Variants in OR1J2 observed in about 807,000 individuals in gnomAD.
OR1J2 encodes the protein olfactory receptor family 1 subfamily J member 2.
For missense variants in OR1J2, 304 were observed against 246.1 expected, an observed-to-expected ratio of 1.24 and a Z score of -1.57; for synonymous variants, 142 against 99.7, an observed-to-expected ratio of 1.42 and a Z score of -2.52.
Position 122,511,696 on chromosome 9 carries a change from G to C in OR1J2, c.895G>C (p.Glu299Gln). 1 of 781,026 alleles carries C rather than the reference G, an allele frequency of 1.3e-6. No homozygotes were observed. Among genetic ancestry groups the C allele is most frequent in the Admixed American group, 1.7e-5 (1 of 59,036 alleles). The allele number at this position is 781,026 out of a possible 1,614,324, so 48.4% of individuals were successfully genotyped here. ...IYSLRNRDMK[E>Q]ALGKLFSRAT... ...CAGCCTTAGGAACAGGGACATGAAA[G>C]AGGCCCTTGGGAAACTCTTCAGTAG... Residue 299 changes from glutamate to glutamine, a missense_variant, in exon 1 of 1, where the codon GAG becomes CAG. Physicochemically the swap from Glu to Gln is conservative, Grantham distance 29 (BLOSUM62 2). Transcript: ENST00000335302.
chr9:122,577,654 C>T, the OR1J2 span, among the ~76,000 whole-genome samples: 3 of 152,130 alleles, frequency 2.0e-5, no homozygotes, highest in East Asian at 3.9e-4. Context: ...AATCATAATA[C>T]CTAGTATTAA....
chr9:122,553,190 C>T, the OR1J2 span: 4 of 1,610,434 alleles, frequency 2.5e-6, 1 homozygote, highest in Admixed American at 6.7e-5. Context: ...TTTATCTGCG[C>T]AGATCACACG....
At chr9:122,544,674 C>G in the OR1J2 span, among the ~76,000 whole-genome samples, 1 of 152,070 alleles carries the variant, frequency 6.6e-6, no homozygotes, top group Non-Finnish European at 1.5e-5. Flanking sequence ...CCTCCTCGGC[C>G]TCCCAAAGCA....
At chr9:122,536,033 A>G in the OR1J2 span, among the ~76,000 whole-genome samples, 2 of 152,230 alleles carry the variant, frequency 1.3e-5, no homozygotes, top group South Asian at 2.1e-4. Context: ...GGAACAGGCC[A>G]TTTTCACTTC....
chr9:122,570,370 C>A, the OR1J2 span, among the ~76,000 whole-genome samples: 139 of 152,194 alleles, frequency 9.1e-4, 2 homozygotes, highest in Non-Finnish European at 1.5e-4. Context: ...GCAGTATATT[C>A]TTTTACACAT....
chr9:122,487,460 C>CAT, the OR1J2 span, among the ~76,000 whole-genome samples: 1 of 54,904 alleles, frequency 1.8e-5, no homozygotes, highest in African/African-American at 6.7e-5. Context: ...AGATGATTAA[C>CAT]ACACACACAC....
At chr9:122,497,812 A>G in the OR1J2 span, among the ~76,000 whole-genome samples, 2 of 152,148 alleles carry the variant, frequency 1.3e-5, no homozygotes, top group Admixed American at 6.5e-5. Flanking sequence ...AGCGCTATAA[A>G]CTTTCCTGTT....
chr9:122,567,958 C>A, the OR1J2 span: 1 of 1,614,082 alleles, frequency 6.2e-7, no homozygotes, highest in Non-Finnish European at 8.5e-7. Flanking sequence ...TGGTGGATAA[C>A]ATTGGAGTCA....
the OR1J2 span, among the ~76,000 whole-genome samples, chr9:122,490,374 C>CTTGCTTATTATATCAAT: frequency 6.6e-6 from 1 of 152,158 alleles, no homozygotes; most frequent in African/African-American, 2.4e-5. Context: ...CCCATTGCAA[C>CTTGCTTATTATATCAAT]TTGCTTATTA....
the OR1J2 span, chr9:122,567,526 G>A: frequency 1.5e-5 from 22 of 1,511,562 alleles, no homozygotes; most frequent in East Asian, 2.3e-5. Context: ...TTCCACTTAC[G>A]AGTTTTTCAA....
chr9:122,518,266 G>A, the OR1J2 span, among the ~76,000 whole-genome samples: 1 of 152,200 alleles, frequency 6.6e-6, no homozygotes, highest in South Asian at 2.1e-4. Flanking sequence ...CACTAGGTAT[G>A]GTGTTTACTG....
At chr9:122,544,415 C>CTTTTTT in the OR1J2 span, among the ~76,000 whole-genome samples, 905 of 84,962 alleles carry the variant, frequency 0.011, no homozygotes, top group East Asian at 0.026. Flanking sequence ...CCTCTTTTTT[C>CTTTTTT]TTTTTTTTTT....
chr9:122,476,586 T>C, the OR1J2 span, among the ~76,000 whole-genome samples: 1 of 152,162 alleles, frequency 6.6e-6, no homozygotes, highest in Non-Finnish European at 1.5e-5. Context: ...GAAAGACAAG[T>C]GAGCTATATT....
At chr9:122,510,229 A>G (rs75143203), upstream of OR1J2, among the ~76,000 whole-genome samples, 12,882 of 152,204 alleles carry the variant, frequency 0.085, 616 homozygotes, top group Middle Eastern at 0.13. Context: ...GTGAAGTCAG[A>G]TCTTCTAATG....
At chr9:122,555,612 A>T in the OR1J2 span, among the ~76,000 whole-genome samples, 113 of 152,318 alleles carry the variant, frequency 7.4e-4, no homozygotes, top group Non-Finnish European at 1.2e-3. Flanking sequence ...ATATATAAAG[A>T]TATCTACCTC....
chr9:122,474,868 T>G, the OR1J2 span, among the ~76,000 whole-genome samples: 1 of 152,156 alleles, frequency 6.6e-6, no homozygotes, highest in Non-Finnish European at 1.5e-5. Context: ...GATGACAACT[T>G]TAGCTTTGAG....
the OR1J2 span, among the ~76,000 whole-genome samples, chr9:122,473,792 A>G: frequency 3.9e-5 from 6 of 152,188 alleles, no homozygotes; most frequent in Admixed American, 6.5e-5. Flanking sequence ...GATCTTTTGT[A>G]TAATGGTATG....
the OR1J2 span, among the ~76,000 whole-genome samples, chr9:122,484,666 A>T: frequency 6.6e-6 from 1 of 152,052 alleles, no homozygotes; most frequent in South Asian, 2.1e-4. Flanking sequence ...AGGGGCAAAA[A>T]TTTCTGCTGT....
chr9:122,549,819 G>A, the OR1J2 span, among the ~76,000 whole-genome samples: 4 of 151,874 alleles, frequency 2.6e-5, no homozygotes, highest in East Asian at 5.8e-4. Flanking sequence ...TGTTCTTTTT[G>A]CTTAGGATTT....
Sources: gnomAD v4.1 joint callset for allele counts (sites outside exome capture counted in the v4.1 genomes callset) on GRCh38, gnomAD v4.1.1 for gene constraint, MANE v1.5 for transcripts, NCBI Gene and HGNC (gene_info 2026-07-23, HGNC 2026-07-21) for gene names.